ABLIM1: variants seen among roughly 807,000 people sequenced by gnomAD.
ABLIM1 encodes actin-binding LIM protein 1.
ABLIM1 carries 40 observed loss-of-function variants against 107.0 expected under a neutral mutation model. The ratio of observed to expected loss-of-function variants is 0.37; its 90% CI spans 0.29 to 0.49. The LOEUF is 0.49. Among genes scored for constraint, ABLIM1 ranks in the 20% least tolerant of loss-of-function variants. The pLI, the probability that ABLIM1 is intolerant of heterozygous loss-of-function variation, is 0.97. For missense variants in ABLIM1, 857 were observed against 1,008.5 expected (o/e 0.85, Z 2.04); for synonymous variants, 357 against 357.3 (o/e 1.00, Z 0.01).
intron 2 of ABLIM1, among the ~76,000 whole-genome samples, chr10:114,581,826 C>G (rs955245827): frequency 6.6e-6 from 1 of 152,012 alleles, no homozygotes; most frequent in South Asian, 2.1e-4. Context: ...GCCATGTGCT[C>G]TAGATGTACT....
chr10:114,609,290 T>C (rs1447123804), intron 1 of ABLIM1, among the ~76,000 whole-genome samples: 1 of 152,200 alleles, frequency 6.6e-6, no homozygotes, highest in Non-Finnish European at 1.5e-5. Context: ...AGCATCTTCA[T>C]TCTCGCCAGT....
At chr10:114,697,519 G>A (rs1279083212) in intron 1 of ABLIM1, among the ~76,000 whole-genome samples, 1 of 152,256 alleles carries the variant, frequency 6.6e-6, no homozygotes, top group Non-Finnish European at 1.5e-5. Context: ...CAGCGAGTAG[G>A]AGGGAGGAAA....
At chr10:114,692,949 C>T (rs754028918) in intron 1 of ABLIM1, among the ~76,000 whole-genome samples, 33 of 152,190 alleles carry the variant, frequency 2.2e-4, no homozygotes, top group Non-Finnish European at 4.3e-4. Flanking sequence ...ACACCAAGGA[C>T]ACCTTGCTGA....
intron 4 of ABLIM1, among the ~76,000 whole-genome samples, chr10:114,570,575 A>G (rs1192599992): frequency 7.1e-6 from 1 of 141,710 alleles, no homozygotes. Flanking sequence ...TCTGGGTCAC[A>G]TGGTAGTTCT....
chr10:114,615,497 C>T (rs2077074978), intron 1 of ABLIM1: 1 of 447,480 alleles, frequency 2.2e-6, no homozygotes, highest in Non-Finnish European at 4.5e-6. Flanking sequence ...TTATATTTAC[C>T]ACAGTCTAAA....
At chr10:114,645,658 T>C (rs1283795052) in intron 1 of ABLIM1, among the ~76,000 whole-genome samples, 1 of 152,178 alleles carries the variant, frequency 6.6e-6, no homozygotes, top group Non-Finnish European at 1.5e-5. Context: ...AGAAAATCAA[T>C]CATTAATTGG....
At chr10:114,568,249 T>C (rs1174695471) in intron 4 of ABLIM1, among the ~76,000 whole-genome samples, 2 of 151,078 alleles carry the variant, frequency 1.3e-5, no homozygotes, top group African/African-American at 2.4e-5. Context: ...TAGGAAGTTT[T>C]ACTAAGTTTA....
rs571856724 is a variant in ABLIM1 at position 114,671,939 on chromosome 10, T to C, written c.64+12351A>G. On this transcript the variant is annotated intron_variant, in intron 1 of 23. Transcript: ENST00000369256. ...GTGCAGTGGCACGATCATAGCTCAATGCAGCCTCCAACTCCTGGGCTCAAA... is the reference window on the plus strand; with the variant it reads ...GTGCAGTGGCACGATCATAGCTCAACGCAGCCTCCAACTCCTGGGCTCAAA... Among the ~76,000 whole-genome samples, 11 of 152,308 alleles carry C rather than the reference T, an allele frequency of 7.2e-5. No individual in the cohort carries two copies. The South Asian group carries it at 2.3e-3, about 32-fold the overall frequency.
At chr10:114,488,075 GA>G in intron 7 of ABLIM1, 59 bp from the exon 8 acceptor site, 1 of 1,559,158 alleles carries the variant, frequency 6.4e-7, no homozygotes, top group Non-Finnish European at 8.8e-7. Context: ...AAAGTCCTCT[GA>G]GACAGCACTT....
intron 20 of ABLIM1, 61 bp from the exon 21 acceptor site, chr10:114,439,311 A>C (rs770780381): frequency 6.5e-7 from 1 of 1,540,836 alleles, no homozygotes; most frequent in Non-Finnish European, 9.0e-7. Context: ...TGAAGGGAGT[A>C]CTCTTGGGCT....
At chr10:114,613,747 G>C in intron 1 of ABLIM1, 1 of 1,306,688 alleles carries the variant, frequency 7.7e-7, no homozygotes, top group South Asian at 1.2e-5. Context: ...AAACATTCTA[G>C]AATGCTACAC....
intron 1 of ABLIM1, among the ~76,000 whole-genome samples, chr10:114,634,123 A>ATTTTTCTTT (rs2078340390): frequency 2.9e-5 from 2 of 68,222 alleles, no homozygotes; most frequent in African/African-American, 1.1e-4. Context: ...CATTAGCTCA[A>ATTTTTCTTT]TTTTTCTTTT....
intron 14 of ABLIM1, 51 bp from the exon 15 acceptor site, chr10:114,448,071 A>G: frequency 1.2e-6 from 2 of 1,610,708 alleles, no homozygotes; most frequent in South Asian, 2.2e-5. Flanking sequence ...CTGTAAGACA[A>G]TGGCGGTACA....
chr10:114,517,832 A>G (rs1415878575), intron 6 of ABLIM1, among the ~76,000 whole-genome samples: 1 of 152,130 alleles, frequency 6.6e-6, no homozygotes, highest in African/African-American at 2.4e-5. Context: ...GTTAGGCTGA[A>G]ACAAAACCCC....
At chr10:114,483,546 G>C (rs1221289612) in intron 8 of ABLIM1, among the ~76,000 whole-genome samples, 2 of 152,122 alleles carry the variant, frequency 1.3e-5, no homozygotes, top group Non-Finnish European at 2.9e-5. Flanking sequence ...CGACGTGCTG[G>C]GATTACAGGC....
chr10:114,486,906 C>T lies in ABLIM1; in HGVS notation c.1041+1052G>A, dbSNP rs552972535. On this transcript the variant is annotated intron_variant, in intron 8 of 22. Transcript: ENST00000533213. The stretch of plus-strand genomic sequence containing the variant: ...AAAGGAAAAATATCTCCTGTGCATA[C>T]GTGTGGTTCATTCAGAGAATAAAGC... Among the ~76,000 whole-genome samples, 411 of 152,248 alleles carry T rather than the reference C, an allele frequency of 2.7e-3. 2 individuals carry two copies. The highest frequency in any genetic ancestry group is 9.5e-3 in the African/African-American group (396 of 41,552).
intron 1 of ABLIM1, among the ~76,000 whole-genome samples, chr10:114,677,026 C>T (rs566842208): frequency 3.9e-5 from 6 of 152,232 alleles, no homozygotes; most frequent in East Asian, 1.9e-4. Flanking sequence ...CATGAGCCAC[C>T]GTGCCTGGCC....
At chr10:114,748,812 A>G (rs930997331) in intron 1 of ABLIM1, among the ~76,000 whole-genome samples, 2 of 151,826 alleles carry the variant, frequency 1.3e-5, no homozygotes, top group African/African-American at 2.4e-5. Flanking sequence ...ATTCACCACC[A>G]CACCCAGCTA....
chr10:114,655,809 G>A (rs995756960), intron 1 of ABLIM1, among the ~76,000 whole-genome samples: 2 of 152,158 alleles, frequency 1.3e-5, no homozygotes, highest in Non-Finnish European at 2.9e-5. Context: ...ATGAAGAGAA[G>A]ACTGTTAAGA....
Sources: gnomAD v4.1 joint callset for allele counts (sites outside exome capture counted in the v4.1 genomes callset) on GRCh38, gnomAD v4.1.1 for gene constraint, MANE v1.5 for transcripts, NCBI Gene and HGNC (gene_info 2026-07-23, HGNC 2026-07-21) for gene names.